Variants in TNR observed in about 807,000 individuals in gnomAD.
The protein encoded by TNR is tenascin R.
Under a neutral mutation model 150.4 loss-of-function variants are expected in TNR, and 45 were observed. The observed-to-expected ratio is 0.30, with a 90% confidence interval of 0.24 to 0.38. TNR has a LOEUF of 0.38. Among genes scored for constraint, TNR ranks in the 10% least tolerant of loss-of-function variants. TNR has a pLI of 1.00. For missense variants in TNR, 1,544 were observed against 1,759.1 expected (o/e 0.88, Z 2.19); for synonymous variants, 687 against 678.4 (o/e 1.01, Z -0.20).
intron 1 of TNR, among the ~76,000 whole-genome samples, chr1:175,576,148 A>G (rs1271688485): frequency 2.6e-5 from 4 of 152,194 alleles, no homozygotes; most frequent in Non-Finnish European, 5.9e-5. Flanking sequence ...GATGGCAGTG[A>G]TGGCACAGCT....
intron 2 of TNR, among the ~76,000 whole-genome samples, chr1:175,447,885 T>C (rs1656133458): frequency 6.6e-6 from 1 of 152,204 alleles, no homozygotes; most frequent in Non-Finnish European, 1.5e-5. Flanking sequence ...TTCCTTGAGG[T>C]TGTTATGAGG....
intron 2 of TNR, among the ~76,000 whole-genome samples, chr1:175,428,357 A>C (rs984929911): frequency 2.6e-5 from 4 of 152,186 alleles, no homozygotes; most frequent in Admixed American, 1.3e-4. Context: ...CTGGTGAGAC[A>C]TGGCTGAGGG....
At chr1:175,347,189 T>C (rs1650835788) in intron 18 of TNR, among the ~76,000 whole-genome samples, 1 of 152,130 alleles carries the variant, frequency 6.6e-6, no homozygotes, top group South Asian at 2.1e-4. Context: ...CTCATTAGTA[T>C]ACTAACTGAT....
At chr1:175,523,271 A>G (rs1048199178) in intron 2 of TNR, among the ~76,000 whole-genome samples, 14 of 152,238 alleles carry the variant, frequency 9.2e-5, no homozygotes, top group African/African-American at 3.4e-4. Context: ...GCATTGTGGG[A>G]TAACAAAAAT....
chr1:175,623,802 T>C (rs2101866977), intron 1 of TNR, among the ~76,000 whole-genome samples: 1 of 152,348 alleles, frequency 6.6e-6, no homozygotes, highest in South Asian at 2.1e-4. Flanking sequence ...AGGAGTCTTC[T>C]GGTCCTATCC....
chr1:175,653,074 A>C (rs1345118496), intron 1 of TNR, among the ~76,000 whole-genome samples: 1 of 152,252 alleles, frequency 6.6e-6, no homozygotes, highest in Non-Finnish European at 1.5e-5. Flanking sequence ...TCCTATGGGA[A>C]GCGTAAAGGG....
At chr1:175,329,747 T>C (rs985003915) in intron 21 of TNR, among the ~76,000 whole-genome samples, 4 of 152,242 alleles carry the variant, frequency 2.6e-5, no homozygotes, top group Admixed American at 2.6e-4. Flanking sequence ...CTTCTTCATC[T>C]TCACATTGCA....
chr1:175,356,985 C>T (rs1000073484), intron 15 of TNR, among the ~76,000 whole-genome samples: 1 of 152,176 alleles, frequency 6.6e-6, no homozygotes, highest in African/African-American at 2.4e-5. Flanking sequence ...TGTGCTTGTG[C>T]CACTTATATT....
intron 1 of TNR, among the ~76,000 whole-genome samples, chr1:175,593,843 T>G (rs952052341): frequency 6.6e-5 from 10 of 152,186 alleles, no homozygotes; most frequent in Non-Finnish European, 2.9e-5. Flanking sequence ...CAGCACCAAG[T>G]GTCCTCCCAA....
At chr1:175,659,056 C>T (rs1665281696) in intron 1 of TNR, among the ~76,000 whole-genome samples, 1 of 152,210 alleles carries the variant, frequency 6.6e-6, no homozygotes, top group African/African-American at 2.4e-5. Flanking sequence ...TGCCACTACT[C>T]GCCCCTGACT....
In TNR at chr1:175,391,473, A is replaced by T. The variant is rs772844030; in HGVS notation, c.1357-35T>A. ...GGGGAGAAGCAGAGAGCAAAAGAGA[A>T]AAGTCACTGGGAGAGAAATCTGATG... On this transcript the variant is annotated intron_variant, in intron 6 of 22. Transcript: ENST00000367674. The T allele has an allele frequency of 3.1e-6, 5 of 1,603,394 alleles. No individual in the cohort carries two copies. In the South Asian group the frequency reaches 5.6e-5, roughly 18 times the overall value.
intron 2 of TNR, among the ~76,000 whole-genome samples, chr1:175,504,937 G>A (rs1658891137): frequency 2.6e-5 from 4 of 152,210 alleles, no homozygotes; most frequent in Admixed American, 2.6e-4. Context: ...AAGAGATACA[G>A]GGAGGAGGTG....
intron 2 of TNR, among the ~76,000 whole-genome samples, chr1:175,468,004 A>T (rs1657107283): frequency 6.6e-6 from 1 of 152,234 alleles, no homozygotes; most frequent in Non-Finnish European, 1.5e-5. Flanking sequence ...AGTTTGTGAT[A>T]TGATACGGCA....
At chr1:175,514,409 G>A (rs1659320001) in intron 2 of TNR, among the ~76,000 whole-genome samples, 1 of 152,182 alleles carries the variant, frequency 6.6e-6, no homozygotes, top group Non-Finnish European at 1.5e-5. Context: ...CAAAAGCTCA[G>A]TGTGACCTGT....
chr1:175,663,282 C>T (rs953072524), intron 1 of TNR, among the ~76,000 whole-genome samples: 1 of 152,164 alleles, frequency 6.6e-6, no homozygotes, highest in African/African-American at 2.4e-5. Context: ...GACGCTGGTG[C>T]CAGTCAGGCC....
chr1:175,650,366 G>A (rs1294510953), intron 1 of TNR, among the ~76,000 whole-genome samples: 1 of 152,030 alleles, frequency 6.6e-6, no homozygotes, highest in African/African-American at 2.4e-5. Flanking sequence ...ATGGACGACA[G>A]AGCAAGATGG....
At chr1:175,704,877 C>T (rs1666804156) in intron 1 of TNR, among the ~76,000 whole-genome samples, 1 of 152,188 alleles carries the variant, frequency 6.6e-6, no homozygotes, top group Admixed American at 6.5e-5. Context: ...ATCAACGGCT[C>T]CCTTCTTTTT....
At chr1:175,535,240 C>T (rs750668572) in intron 1 of TNR, among the ~76,000 whole-genome samples, 1 of 152,170 alleles carries the variant, frequency 6.6e-6, no homozygotes, top group Non-Finnish European at 1.5e-5. Flanking sequence ...CCCTGTTCCT[C>T]AATGTCCCTC....
Position 175,406,444 on chromosome 1 carries a change from C to T in TNR, c.271G>A (p.Val91Met), listed in dbSNP as rs777039468. ...GCCAGAGTCTCGTCTTCTGCACTCA[C>T]CTCCTGCTCAGCAGAGGCCTCTAGC... ...SGLEASAEQE[V>M]SAEDETLAEY... Residue 91 changes from valine to methionine, a missense_variant, in exon 3 of 23, where the codon GTG becomes ATG. This residue lies in a region of TNR where 1,254 missense variants were observed against 1,329.4 expected (regional missense o/e 0.94). Transcript: ENST00000367674. 3.1e-6 allele frequency: 5 copies of T among 1,614,194 alleles called. No individual in the cohort carries two copies. The South Asian group carries it at 5.5e-5, about 18-fold the overall frequency.
Sources: allele counts gnomAD v4.1 joint callset (sites outside exome capture counted in the v4.1 genomes callset), GRCh38; gene constraint gnomAD v4.1.1; regional missense constraint gnomAD v4.1.1; transcripts MANE v1.5; gene names NCBI Gene and HGNC (gene_info 2026-07-23, HGNC 2026-07-21).